SPTLC2: variants seen among roughly 807,000 people sequenced by gnomAD.
SPTLC2 encodes serine palmitoyltransferase 2.
In SPTLC2, 21 loss-of-function variants were observed where a neutral mutation model predicts 62.0. The ratio of observed to expected loss-of-function variants is 0.34; its 90% CI spans 0.24 to 0.49. The LOEUF (loss-of-function observed/expected upper bound fraction) is 0.49, where lower values mean the gene tolerates loss of function less well. Ranked by LOEUF, SPTLC2 falls within the 20% of genes least tolerant of loss-of-function variation. The probability of loss-of-function intolerance (pLI) is 0.99; values close to 1 mark genes in which losing one functional copy is unlikely to be tolerated. For missense variants in SPTLC2, 511 were observed against 713.0 expected (o/e 0.72, Z 3.23); for synonymous variants, 261 against 261.8 (o/e 1.00, Z 0.03).
chr14:77,562,119 C>T (rs1302001823), intron 6 of SPTLC2, among the ~76,000 whole-genome samples: 2 of 152,190 alleles, frequency 1.3e-5, no homozygotes, highest in Non-Finnish European at 1.5e-5. Flanking sequence ...TGGCAAGATA[C>T]ACTATAGTCA....
At chr14:77,517,616 G>A (rs565141490) in intron 11 of SPTLC2, among the ~76,000 whole-genome samples, 1 of 152,188 alleles carries the variant, frequency 6.6e-6, no homozygotes, top group African/African-American at 2.4e-5. Flanking sequence ...AGGATTCCAA[G>A]GGAACACAGA....
In SPTLC2 at chr14:77,510,415, G is replaced by A. The variant is rs940527947; in HGVS notation, c.*1869C>T. 1 of 153,072 alleles carries A rather than the reference G, an allele frequency of 6.5e-6. No individual in the cohort carries two copies. The highest frequency in any genetic ancestry group is 2.1e-4 in the South Asian group (1 of 4,846). The allele number at this position is 153,072 out of a possible 1,614,324, so 9.5% of individuals were successfully genotyped here. ...ACAGCTGATGACAACACACCCAGGA[G>A]AATTTGGATTGAGAATCTTTACCGA... On this transcript the variant is annotated 3_prime_UTR_variant, in exon 12 of 12. Coordinates refer to ENST00000216484, the MANE Select transcript of SPTLC2 (RefSeq NM_004863.4).
chr14:77,611,137 C>CAAAAAAAAAAAAA (rs71128656), intron 1 of SPTLC2, among the ~76,000 whole-genome samples: 1 of 126,510 alleles, frequency 7.9e-6, no homozygotes. Context: ...ACTAAAAATA[C>CAAAAAAAAAAAAA]AAAAAAAAAA....
chr14:77,589,065 G>A (rs1199704412), intron 2 of SPTLC2, among the ~76,000 whole-genome samples: 1 of 134,368 alleles, frequency 7.4e-6, no homozygotes. Flanking sequence ...GAAAAGGAAA[G>A]CATTATAAAT....
chr14:77,507,648 T>C lies in SPTLC2; in HGVS notation c.*4636A>G, dbSNP rs1174883530. ...CCCAGCCATGGGCACATATTTCATG[T>C]GGATAAAGTTGAGGCGAGAAAAAGA... On this transcript the variant is annotated 3_prime_UTR_variant, in exon 12 of 12. Transcript: ENST00000216484. The C allele has an allele frequency of 2.0e-5, 3 of 152,190 alleles. No individual in the cohort carries two copies. The highest frequency in any genetic ancestry group is 2.1e-4 in the South Asian group (1 of 4,828). 9.4% of individuals were successfully genotyped at this position (152,190 alleles called of 1,614,324 possible).
intron 1 of SPTLC2, among the ~76,000 whole-genome samples, chr14:77,600,613 A>G (rs529091977): frequency 6.6e-6 from 1 of 152,372 alleles, no homozygotes; most frequent in South Asian, 2.1e-4. Context: ...CTTAATAAAT[A>G]GTTAACACTT....
intron 1 of SPTLC2, among the ~76,000 whole-genome samples, chr14:77,599,860 C>T (rs1358372777): frequency 1.3e-5 from 2 of 152,096 alleles, no homozygotes; most frequent in East Asian, 1.9e-4. Flanking sequence ...ATTTAAAAGA[C>T]AAGAAAAATT....
At chr14:77,552,951 C>T (rs929081867) in intron 8 of SPTLC2, among the ~76,000 whole-genome samples, 19 of 151,844 alleles carry the variant, frequency 1.3e-4, no homozygotes. Flanking sequence ...AAAGCCCATC[C>T]TTCTACCCCT....
chr14:77,518,783 T>C (rs1435378278), intron 10 of SPTLC2, among the ~76,000 whole-genome samples: 1 of 152,210 alleles, frequency 6.6e-6, no homozygotes, highest in Non-Finnish European at 1.5e-5. Flanking sequence ...GCTAGCAGAA[T>C]GGCTGACTGG....
chr14:77,519,344 T>A (rs1237158875), intron 10 of SPTLC2, among the ~76,000 whole-genome samples: 1 of 152,194 alleles, frequency 6.6e-6, no homozygotes, highest in African/African-American at 2.4e-5. Context: ...CCAAATTATG[T>A]TGCTTTTTGT....
chr14:77,575,539 G>A (rs192265304), intron 4 of SPTLC2, among the ~76,000 whole-genome samples: 1 of 152,178 alleles, frequency 6.6e-6, no homozygotes, highest in East Asian at 1.9e-4. Context: ...GGGTATCCTT[G>A]TTTTTGTTTT....
chr14:77,548,167 CTAGT>C lies in SPTLC2; in HGVS notation c.1303+3925_1303+3928del, dbSNP rs138585382. 6.5e-3 allele frequency among the ~76,000 whole-genome samples: 994 copies of C among 152,252 alleles called. 9 individuals carry two copies. Among genetic ancestry groups the C allele is most frequent in the African/African-American group, 0.022 (916 of 41,542 alleles). On this transcript the variant is annotated intron_variant, in intron 9 of 11. Coordinates refer to ENST00000216484, the MANE Select transcript of SPTLC2 (RefSeq NM_004863.4). ...AATGTATCTATTAAAATGTACCTAT[CTAGT>C]TAATTTGGTTCCATAATTTGGTCAT... is the stretch of plus-strand genomic sequence containing the variant.
At chr14:77,585,295 G>T (rs1209859142) in intron 2 of SPTLC2, among the ~76,000 whole-genome samples, 1 of 152,158 alleles carries the variant, frequency 6.6e-6, no homozygotes, top group African/African-American at 2.4e-5. Flanking sequence ...ATTTTACAGA[G>T]TCACTGAATA....
In SPTLC2 at chr14:77,512,333, A is replaced by G. The variant is rs373948802; in HGVS notation, c.1640T>C (p.Leu547Pro). ...CGTCTCGTCAAAGGGCCTGTCCAGT[A>G]GAGGTACCAACCGATGACGGGAATA... The part of the protein sequence containing the change: ...LKYSRHRLVP[L>P]LDRPFDETTY... Residue 547 changes from leucine to proline, a missense_variant, in exon 12 of 12, where the codon CTA (leucine) becomes CCA (proline). Coordinates refer to ENST00000216484, the MANE Select transcript of SPTLC2 (RefSeq NM_004863.4). The G allele has an allele frequency of 6.2e-7, 1 of 1,614,210 alleles. No individual in the cohort carries two copies.
chr14:77,607,254 A>T (rs1168729681), intron 1 of SPTLC2, among the ~76,000 whole-genome samples: 2 of 152,242 alleles, frequency 1.3e-5, no homozygotes, highest in African/African-American at 2.4e-5. Context: ...CATTTGACTG[A>T]CAAAATCAAG....
chr14:77,553,596 T>C (rs2079566690), intron 8 of SPTLC2, among the ~76,000 whole-genome samples: 3 of 151,876 alleles, frequency 2.0e-5, no homozygotes, highest in East Asian at 3.9e-4. Flanking sequence ...CTGGGCATGG[T>C]GGCACGTGCC....
intron 9 of SPTLC2, among the ~76,000 whole-genome samples, chr14:77,532,090 ATAT>A (rs1422879106): frequency 6.6e-6 from 1 of 152,218 alleles, no homozygotes; most frequent in Non-Finnish European, 1.5e-5. Flanking sequence ...AACCATCTAA[ATAT>A]TACAGGTGTG....
At chr14:77,523,686 T>C (rs1594969602) in intron 9 of SPTLC2, among the ~76,000 whole-genome samples, 1 of 152,172 alleles carries the variant, frequency 6.6e-6, no homozygotes, top group Non-Finnish European at 1.5e-5. Flanking sequence ...GATCTTATAA[T>C]ATGTGGGTTA....
intron 2 of SPTLC2, among the ~76,000 whole-genome samples, chr14:77,591,692 C>A (rs1212697619): frequency 2.3e-5 from 3 of 130,350 alleles, no homozygotes; most frequent in Non-Finnish European, 5.1e-5. Flanking sequence ...TAGTGCTCTT[C>A]TGTATGTATG....
Sources: allele counts gnomAD v4.1 joint callset (sites outside exome capture counted in the v4.1 genomes callset), GRCh38; gene constraint gnomAD v4.1.1; transcripts MANE v1.5; gene names NCBI Gene and HGNC (gene_info 2026-07-23, HGNC 2026-07-21).